Variants in SSH2 observed in about 807,000 individuals in gnomAD.
SSH2 encodes the protein slingshot protein phosphatase 2.
A neutral mutation model predicts 135.2 loss-of-function variants in SSH2; 37 were observed. The observed-to-expected ratio is 0.27, with a 90% confidence interval of 0.21 to 0.36. The LOEUF (loss-of-function observed/expected upper bound fraction) is 0.36, where lower values mean the gene tolerates loss of function less well. Among genes scored for constraint, SSH2 ranks in the 10% least tolerant of loss-of-function variants. SSH2 has a pLI of 1.00. For synonymous variants in SSH2, 628 were observed against 646.2 expected (o/e 0.97, Z 0.43); for missense variants, 1,408 against 1,765.3 (o/e 0.80, Z 3.63).
At chr17:29,906,291 G>C in intron 1 of SSH2, among the ~76,000 whole-genome samples, 1 of 152,230 alleles carries the variant, frequency 6.6e-6, no homozygotes, top group Non-Finnish European at 1.5e-5. Flanking sequence ...AAATGGTGCT[G>C]GAAGAACTGG....
intron 2 of SSH2, among the ~76,000 whole-genome samples, chr17:29,835,323 A>G (rs2042924460): frequency 6.6e-6 from 1 of 152,224 alleles, no homozygotes; most frequent in African/African-American, 2.4e-5. Context: ...AACAAAAACA[A>G]CAACAAAAAA....
chr17:29,695,794 T>C (rs1417446485), intron 4 of SSH2, among the ~76,000 whole-genome samples: 3 of 152,142 alleles, frequency 2.0e-5, no homozygotes, highest in African/African-American at 7.2e-5. Context: ...CAGTTTTGTA[T>C]TATGGTGGAT....
In SSH2 at chr17:29,793,942, A is replaced by G; in HGVS notation, c.145-5T>C. ...TTCCTCCCCACTGTCTGCCTCCTGT[A>G]TAGACAGAAAATGAAAAAAAAAATT... On this transcript the variant is annotated splice_polypyrimidine_tract_variant and splice_region_variant and intron_variant, in intron 2 of 15. Coordinates refer to ENST00000540801, the MANE Select transcript of SSH2 (RefSeq NM_001282129.2). 6.2e-7 allele frequency: 1 copy of G among 1,608,744 alleles called. No individual in the cohort carries two copies. Among genetic ancestry groups the G allele is most frequent in the Non-Finnish European group, 8.5e-7 (1 of 1,176,406 alleles).
At chr17:29,843,841 T>TTC (rs1282764688) in intron 2 of SSH2, among the ~76,000 whole-genome samples, 2 of 152,006 alleles carry the variant, frequency 1.3e-5, no homozygotes, top group African/African-American at 2.4e-5. Context: ...AGGCTAAATC[T>TTC]TCTCTCTCTC....
At chr17:29,878,962 C>T (rs1333921123) in intron 1 of SSH2, among the ~76,000 whole-genome samples, 1 of 152,122 alleles carries the variant, frequency 6.6e-6, no homozygotes, top group Non-Finnish European at 1.5e-5. Context: ...GAAAACTTAA[C>T]AAATACAGAC....
At chr17:29,734,482 G>C (rs1032658282) in intron 3 of SSH2, among the ~76,000 whole-genome samples, 2 of 152,096 alleles carry the variant, frequency 1.3e-5, no homozygotes, top group African/African-American at 4.8e-5. Flanking sequence ...CAGTTAAACA[G>C]CACATTCACT....
intron 1 of SSH2, among the ~76,000 whole-genome samples, chr17:29,897,328 C>G (rs2066464500): frequency 6.6e-6 from 1 of 152,084 alleles, no homozygotes; most frequent in African/African-American, 2.4e-5. Flanking sequence ...TTAAAAGACA[C>G]AGACTGGCAA....
chr17:29,734,600 C>T (rs930553797), intron 3 of SSH2, among the ~76,000 whole-genome samples: 8 of 151,650 alleles, frequency 5.3e-5, no homozygotes, highest in African/African-American at 1.7e-4. Context: ...AGAAACTCTC[C>T]TATTGCCTCT....
At position 29,726,459 on chromosome 17, in the gene SSH2, C is replaced by T. The variant is rs1179325978; in HGVS notation, c.189-23397G>A. Reference sequence around the variant, plus strand: ...AGTTTGCATTTCTAGAAAGATTCCTCCAACTACAATATGGAGAATGGATTG... The same window carrying T: ...AGTTTGCATTTCTAGAAAGATTCCTTCAACTACAATATGGAGAATGGATTG... On this transcript the variant is annotated intron_variant, in intron 3 of 15. Transcript: ENST00000540801. Among the ~76,000 whole-genome samples, 6 of 152,192 alleles carry T rather than the reference C, an allele frequency of 3.9e-5. No individual in the cohort carries two copies. In the East Asian group the frequency reaches 9.6e-4, roughly 24 times the overall value.
chr17:29,864,696 T>C (rs2065825055), intron 1 of SSH2, among the ~76,000 whole-genome samples: 2 of 118,918 alleles, frequency 1.7e-5, no homozygotes, highest in Non-Finnish European at 3.9e-5. Flanking sequence ...TAGTTTTGTT[T>C]GTTTTTTGTT....
At chr17:29,872,617 A>T (rs2065957060) in intron 1 of SSH2, among the ~76,000 whole-genome samples, 1 of 152,124 alleles carries the variant, frequency 6.6e-6, no homozygotes, top group African/African-American at 2.4e-5. Flanking sequence ...AAAATAAAAA[A>T]AAGGCAGAGG....
intron 15 of SSH2, 41 bp downstream of exon 15, chr17:29,635,927 G>T (rs1173731716): frequency 2.1e-6 from 3 of 1,425,192 alleles, no homozygotes; most frequent in Non-Finnish European, 2.9e-6. Flanking sequence ...TACCTTTGAA[G>T]AGAACTTCAT....
At chr17:29,871,599 T>A (rs569844316) in intron 1 of SSH2, among the ~76,000 whole-genome samples, 8 of 151,896 alleles carry the variant, frequency 5.3e-5, no homozygotes, top group African/African-American at 1.9e-4. Flanking sequence ...TTTTTTAAAA[T>A]AAATAAGAAA....
At chr17:29,788,474 T>C (rs1472250572) in intron 3 of SSH2, among the ~76,000 whole-genome samples, 4 of 152,210 alleles carry the variant, frequency 2.6e-5, no homozygotes, top group African/African-American at 9.7e-5. Context: ...ACTGGAACTA[T>C]ACCATTAGTT....
At chr17:29,660,627 G>T (rs1366358573) in intron 11 of SSH2, among the ~76,000 whole-genome samples, 1 of 152,004 alleles carries the variant, frequency 6.6e-6, no homozygotes, top group East Asian at 1.9e-4. Context: ...TATATTTAAT[G>T]GGTACATTTC....
At chr17:29,669,258 A>C (rs1348448351) in intron 9 of SSH2, among the ~76,000 whole-genome samples, 3 of 152,204 alleles carry the variant, frequency 2.0e-5, no homozygotes, top group Admixed American at 6.5e-5. Context: ...CTCAAAAAAA[A>C]AAGAAAAAAA....
intron 1 of SSH2, among the ~76,000 whole-genome samples, chr17:29,864,837 C>T (rs573542291): frequency 6.6e-6 from 1 of 152,158 alleles, no homozygotes; most frequent in Non-Finnish European, 1.5e-5. Flanking sequence ...AATCACCTGA[C>T]AACTTGCTAG....
At chr17:29,827,220 T>G (rs1282696628) in intron 2 of SSH2, among the ~76,000 whole-genome samples, 1 of 152,224 alleles carries the variant, frequency 6.6e-6, no homozygotes, top group Non-Finnish European at 1.5e-5. Context: ...GGAAATTCCC[T>G]CTTGCAGAAT....
chr17:29,668,544 A>G (rs960599003), intron 9 of SSH2, among the ~76,000 whole-genome samples: 1 of 152,138 alleles, frequency 6.6e-6, no homozygotes, highest in South Asian at 2.1e-4. Context: ...TAGCCCAGGC[A>G]ATTGGCAAAA....
Sources: allele counts gnomAD v4.1 joint callset (sites outside exome capture counted in the v4.1 genomes callset), GRCh38; gene constraint gnomAD v4.1.1; transcripts MANE v1.5; gene names NCBI Gene and HGNC (gene_info 2026-07-23, HGNC 2026-07-21).